The following OR51B5 variants were observed in gnomAD, a reference collection of about 807,000 sequenced individuals.
The protein encoded by OR51B5 is olfactory receptor family 51 subfamily B member 5, also known as olfactory receptor 51B5.
For missense variants in OR51B5, 456 were observed against 374.6 expected (o/e 1.22, Z -1.79); for synonymous variants, 186 against 144.8 (o/e 1.28, Z -2.04).
intron 1 of OR51B5, among the ~76,000 whole-genome samples, chr11:5,478,418 G>A (rs1355778111): frequency 1.3e-5 from 2 of 151,688 alleles, no homozygotes; most frequent in Admixed American, 6.6e-5. Flanking sequence ...GGAAAAAACA[G>A]AACAGAAAAA....
intron 1 of OR51B5, chr11:5,389,865 C>T: frequency 2.5e-6 from 4 of 1,613,676 alleles, no homozygotes; most frequent in East Asian, 2.2e-5. Flanking sequence ...GTGGTCAGAG[C>T]AGGCCTAATT....
intron 1 of OR51B5, among the ~76,000 whole-genome samples, chr11:5,383,454 C>A (rs2736540): frequency 0.41 from 61,959 of 152,012 alleles, 12,838 homozygotes; most frequent in South Asian, 0.54. Flanking sequence ...CCACTGTGAA[C>A]ATCACATGGA....
chr11:5,343,218 G>A (rs143689320), exon 1 of OR51B5: 9 of 1,613,704 alleles, frequency 5.6e-6, no homozygotes, highest in South Asian at 1.1e-5. Flanking sequence ...GAAAGTGAGT[G>A]TATAAAGTAG....
intron 1 of OR51B5, among the ~76,000 whole-genome samples, chr11:5,446,949 A>T: frequency 6.6e-6 from 1 of 152,202 alleles, no homozygotes; most frequent in African/African-American, 2.4e-5. Context: ...TCCCAGAGAA[A>T]TCTGGGCATC....
intron 1 of OR51B5, among the ~76,000 whole-genome samples, chr11:5,387,174 T>C (rs1460687239): frequency 1.3e-5 from 2 of 152,064 alleles, no homozygotes; most frequent in Non-Finnish European, 2.9e-5. Context: ...AGAGAGTGCA[T>C]AGAAGCTATC....
At chr11:5,428,905 G>A (rs978537828) in intron 1 of OR51B5, among the ~76,000 whole-genome samples, 1 of 152,164 alleles carries the variant, frequency 6.6e-6, no homozygotes, top group Admixed American at 6.5e-5. Flanking sequence ...CTAAAATGTA[G>A]GTATAGTTTT....
chr11:5,485,259 T>C (rs1039422067), intron 1 of OR51B5, among the ~76,000 whole-genome samples: 1 of 152,180 alleles, frequency 6.6e-6, no homozygotes, highest in African/African-American at 2.4e-5. Context: ...AAAAATAACC[T>C]TCCTCTCACG....
intron 1 of OR51B5, among the ~76,000 whole-genome samples, chr11:5,447,492 C>A (rs1256217971): frequency 6.6e-6 from 1 of 152,206 alleles, no homozygotes; most frequent in Non-Finnish European, 1.5e-5. Context: ...ATCTGCTGGT[C>A]AGTTCCTCAT....
chr11:5,460,684 T>C (rs1281520567), intron 1 of OR51B5, among the ~76,000 whole-genome samples: 2 of 152,240 alleles, frequency 1.3e-5, no homozygotes, highest in African/African-American at 2.4e-5. Context: ...ATTCTTTCCC[T>C]GGTTCTTTCT....
intron 1 of OR51B5, among the ~76,000 whole-genome samples, chr11:5,379,385 C>T (rs935124500): frequency 1.3e-5 from 2 of 151,900 alleles, no homozygotes; most frequent in East Asian, 3.9e-4. Context: ...GGGTGCAGCA[C>T]ACCAACATGG....
chr11:5,351,622 G>C, intron 1 of OR51B5: 1 of 1,614,040 alleles, frequency 6.2e-7, no homozygotes, highest in Non-Finnish European at 8.5e-7. Context: ...CATACTTCTT[G>C]GCAATGGCAC....
At position 5,406,707 on chromosome 11, in the gene OR51B5, GT is replaced by G. The variant is rs1850062541; in HGVS notation, n.85-59798del. On this transcript the variant is annotated intron_variant and non_coding_transcript_variant, in intron 1 of 4. Transcript: ENST00000415970. ...AACAATTAGAAAAGATATAGAAATA[GT>G]TTTAAATGACTTGAGAGAGCATTCA... 2.0e-5 allele frequency among the ~76,000 whole-genome samples: 3 copies of G among 152,094 alleles called. No individual in the cohort carries two copies. In the South Asian group the frequency reaches 6.2e-4, roughly 31 times the overall value.
intron 1 of OR51B5, among the ~76,000 whole-genome samples, chr11:5,464,066 A>C (rs932110447): frequency 5.9e-5 from 9 of 152,170 alleles, no homozygotes; most frequent in Admixed American, 5.2e-4. Context: ...ATGATGGAAA[A>C]CAGACAATAA....
intron 1 of OR51B5, among the ~76,000 whole-genome samples, chr11:5,404,702 G>C (rs746689783): frequency 6.0e-4 from 92 of 152,234 alleles, no homozygotes; most frequent in Non-Finnish European, 1.1e-3. Context: ...TCACTCTTTG[G>C]GTCTGCACTA....
At chr11:5,340,553 AATGCAAAAT>A (rs985366604), downstream of OR51B5, 4 of 152,110 alleles carry the variant, frequency 2.6e-5, no homozygotes, top group African/African-American at 9.7e-5. Flanking sequence ...TTGGAGATAC[AATGCAAAAT>A]ATCAGTTTTC....
intron 1 of OR51B5, among the ~76,000 whole-genome samples, chr11:5,434,732 C>T (rs1433600994): frequency 6.6e-6 from 1 of 152,126 alleles, no homozygotes; most frequent in Non-Finnish European, 1.5e-5. Flanking sequence ...AAATGACAAC[C>T]AGAGGGGCAA....
chr11:5,398,374 G>A (rs1426357627), intron 1 of OR51B5, among the ~76,000 whole-genome samples: 1 of 152,084 alleles, frequency 6.6e-6, no homozygotes, highest in African/African-American at 2.4e-5. Flanking sequence ...TTGCTCCTCA[G>A]GGAACCTAAC....
At chr11:5,424,871 A>G (rs1360100055) in intron 1 of OR51B5, among the ~76,000 whole-genome samples, 2 of 102,584 alleles carry the variant, frequency 1.9e-5, no homozygotes, top group Non-Finnish European at 4.5e-5. Context: ...AGTCCCAGCT[A>G]CTCAGGAGGC....
intron 1 of OR51B5, chr11:5,423,303 G>A (rs1402603357): frequency 5.2e-6 from 5 of 956,578 alleles, no homozygotes; most frequent in Middle Eastern, 3.4e-4. Context: ...ATTTTTGGCT[G>A]AGGTGAGCTA....
Sources: gnomAD v4.1 joint callset for allele counts (sites outside exome capture counted in the v4.1 genomes callset) on GRCh38, gnomAD v4.1.1 for gene constraint, MANE v1.5 for transcripts, NCBI Gene and HGNC (gene_info 2026-07-23, HGNC 2026-07-21) for gene names.